The following ATP9B variants were observed in gnomAD, a reference collection of about 807,000 sequenced individuals.
ATP9B encodes the protein probable phospholipid-transporting ATPase IIB.
In ATP9B, 110 loss-of-function variants were observed where a neutral mutation model predicts 146.1. That is an observed-to-expected ratio of 0.75 (90% CI 0.65 to 0.88). ATP9B has a LOEUF of 0.88. Among genes scored for constraint, ATP9B ranks in the 40% least tolerant of loss-of-function variants. The probability of loss-of-function intolerance (pLI) is 0.00; values close to 1 mark genes in which losing one functional copy is unlikely to be tolerated. For synonymous variants in ATP9B, 604 were observed against 569.7 expected (o/e 1.06, Z -0.86); for missense variants, 1,499 against 1,496.4 (o/e 1.00, Z -0.03).
chr18:79,207,031 T>G lies in ATP9B; in HGVS notation c.1030+19T>G. On this transcript the variant is annotated intron_variant, in intron 10 of 29. Transcript: ENST00000426216. ...GCATCAGGTAAGGAAAACATTCTCC[T>G]CTGAGTGTGATTGCTCCCGGATAGA... is the stretch of plus-strand genomic sequence containing the variant. 2.5e-6 allele frequency: 4 copies of G among 1,607,920 alleles called. No individual in the cohort carries two copies. Among genetic ancestry groups the G allele is most frequent in the Non-Finnish European group, 2.6e-6 (3 of 1,174,474 alleles).
At chr18:79,220,329 A>C (rs2095665722) in intron 11 of ATP9B, among the ~76,000 whole-genome samples, 1 of 152,188 alleles carries the variant, frequency 6.6e-6, no homozygotes, top group Non-Finnish European at 1.5e-5. Flanking sequence ...TGCCAGGTGC[A>C]GTGGCTCACT....
intron 17 of ATP9B, among the ~76,000 whole-genome samples, chr18:79,332,619 C>T (rs535730540): frequency 2.0e-5 from 3 of 152,066 alleles, no homozygotes; most frequent in East Asian, 1.9e-4. Context: ...GAGGTGGAAG[C>T]GGAGGCAGGA....
At chr18:79,224,683 G>A (rs555819969) in intron 11 of ATP9B, among the ~76,000 whole-genome samples, 2 of 152,146 alleles carry the variant, frequency 1.3e-5, no homozygotes, top group African/African-American at 4.8e-5. Context: ...TCTAATTGTC[G>A]CTGCCAATGT....
intron 25 of ATP9B, among the ~76,000 whole-genome samples, chr18:79,355,617 A>G (rs2096947172): frequency 6.6e-6 from 1 of 152,118 alleles, no homozygotes; most frequent in Non-Finnish European, 1.5e-5. Flanking sequence ...CAAGATGGTA[A>G]TTCTACCGTT....
intron 11 of ATP9B, among the ~76,000 whole-genome samples, chr18:79,237,312 T>C (rs998656596): frequency 6.8e-6 from 1 of 146,594 alleles, no homozygotes; most frequent in African/African-American, 2.6e-5. Context: ...CACGAGTCAG[T>C]GTCCACTCCT....
intron 13 of ATP9B, among the ~76,000 whole-genome samples, chr18:79,282,869 T>G (rs1161931114): frequency 6.6e-6 from 1 of 152,202 alleles, no homozygotes; most frequent in Non-Finnish European, 1.5e-5. Flanking sequence ...GCAAATCCTT[T>G]AACCCTTCTG....
chr18:79,281,414 T>C (rs2145843353), intron 13 of ATP9B, among the ~76,000 whole-genome samples: 1 of 152,132 alleles, frequency 6.6e-6, no homozygotes, highest in Non-Finnish European at 1.5e-5. Flanking sequence ...GGAGAATCAC[T>C]TGAACCTAGG....
intron 25 of ATP9B, among the ~76,000 whole-genome samples, chr18:79,351,458 G>A (rs1245658907): frequency 6.6e-6 from 1 of 152,200 alleles, no homozygotes; most frequent in Admixed American, 6.5e-5. Context: ...TTGGAGGGGC[G>A]ATGCCTTTAG....
At chr18:79,226,644 C>CT (rs2095737480) in intron 11 of ATP9B, among the ~76,000 whole-genome samples, 1 of 152,206 alleles carries the variant, frequency 6.6e-6, no homozygotes, top group Non-Finnish European at 1.5e-5. Context: ...TTCCCCCTTC[C>CT]TTTGCCCCAT....
intron 9 of ATP9B, among the ~76,000 whole-genome samples, chr18:79,203,765 A>G (rs892729740): frequency 2.6e-5 from 4 of 152,184 alleles, no homozygotes; most frequent in African/African-American, 9.7e-5. Flanking sequence ...GGCTGTGCCA[A>G]CGCTGGAACC....
chr18:79,376,288 C>T (rs2097103094), intron 29 of ATP9B: 2 of 985,260 alleles, frequency 2.0e-6, no homozygotes, highest in African/African-American at 1.7e-5. Context: ...GGTGTCTCTT[C>T]CCTAAGCACC....
chr18:79,154,598 G>A, intron 7 of ATP9B, 43 bp downstream of exon 7: 1 of 1,338,232 alleles, frequency 7.5e-7, no homozygotes. Context: ...GTATATTATT[G>A]CAAAAACAAA....
At position 79,269,219 on chromosome 18, in the gene ATP9B, A is replaced by G. The variant is rs1174910752; in HGVS notation, c.1269-7835A>G. On this transcript the variant is annotated intron_variant, in intron 12 of 29. Transcript: ENST00000426216. ...TCCTCACTGTGTCCCCACGCGGGAC[A>G]TGAGGTCAGGGCTTGGTCACTGTCC... Among the ~76,000 whole-genome samples the G allele has an allele frequency of 3.3e-5, 5 of 152,186 alleles. No homozygotes were observed. The East Asian group carries it at 9.6e-4, about 29-fold the overall frequency.
intron 13 of ATP9B, among the ~76,000 whole-genome samples, chr18:79,279,879 G>A (rs2096357635): frequency 6.6e-6 from 1 of 152,180 alleles, no homozygotes; most frequent in African/African-American, 2.4e-5. Flanking sequence ...GGGAACTTAA[G>A]TTAGCGTTAG....
At chr18:79,175,072 G>A (rs999491605) in intron 7 of ATP9B, among the ~76,000 whole-genome samples, 53 of 151,852 alleles carry the variant, frequency 3.5e-4, no homozygotes, top group Non-Finnish European at 2.9e-4. Context: ...ATGGTGGCAC[G>A]CATCTGTAGT....
chr18:79,353,324 C>T (rs2096932316), intron 25 of ATP9B: 1 of 152,268 alleles, frequency 6.6e-6, no homozygotes, highest in Non-Finnish European at 1.5e-5. Flanking sequence ...GGACTCTCAC[C>T]GCTTCAGCTG....
At chr18:79,294,128 A>G (rs948474268) in intron 13 of ATP9B, among the ~76,000 whole-genome samples, 3 of 152,208 alleles carry the variant, frequency 2.0e-5, no homozygotes, top group African/African-American at 7.2e-5. Context: ...TACTGTCTAG[A>G]AAGAGTCTGT....
intron 18 of ATP9B, 147 bp from the exon 19 acceptor site, chr18:79,337,132 C>G (rs2096831838): frequency 4.5e-6 from 5 of 1,114,546 alleles, no homozygotes; most frequent in South Asian, 4.3e-5. Context: ...CCATGCAGTC[C>G]AGCTCTGTGG....
chr18:79,162,689 G>C (rs1458396869), intron 7 of ATP9B, among the ~76,000 whole-genome samples: 1 of 152,142 alleles, frequency 6.6e-6, no homozygotes, highest in Non-Finnish European at 1.5e-5. Flanking sequence ...TCATTAAATC[G>C]TATGAATGAT....
Sources: allele counts gnomAD v4.1 joint callset (sites outside exome capture counted in the v4.1 genomes callset), GRCh38; gene constraint gnomAD v4.1.1; transcripts MANE v1.5; gene names NCBI Gene and HGNC (gene_info 2026-07-23, HGNC 2026-07-21).